ALMS1: variants seen among roughly 807,000 people sequenced by gnomAD.
The protein encoded by ALMS1 is ALMS1 centrosome and basal body associated protein, also known as centrosome-associated protein ALMS1.
Under a neutral mutation model 352.2 loss-of-function variants are expected in ALMS1, and 271 were observed. That is an observed-to-expected ratio of 0.77 (90% CI 0.70 to 0.85). The LOEUF is 0.85. ALMS1 is among the 40% of genes least tolerant of loss of function. The probability of loss-of-function intolerance (pLI) is 0.00; values close to 1 mark genes in which losing one functional copy is unlikely to be tolerated. For missense variants in ALMS1, 5,445 were observed against 4,870.7 expected (o/e 1.12, Z -3.51); for synonymous variants, 1,865 against 1,761.2 (o/e 1.06, Z -1.48).
chr2:73,514,098 CCTAT>C (rs1275877993), intron 10 of ALMS1, among the ~76,000 whole-genome samples: 3 of 152,164 alleles, frequency 2.0e-5, no homozygotes, highest in African/African-American at 7.2e-5. Context: ...TTACTTTCAA[CCTAT>C]CTGTGACCTC....
At chr2:73,397,264 C>G (rs756540760) in intron 1 of ALMS1, among the ~76,000 whole-genome samples, 1 of 152,126 alleles carries the variant, frequency 6.6e-6, no homozygotes, top group Non-Finnish European at 1.5e-5. Context: ...TCTTGGGATT[C>G]TGCTCTGGTA....
intron 2 of ALMS1, among the ~76,000 whole-genome samples, chr2:73,414,847 AT>A (rs376815471): frequency 2.6e-5 from 4 of 151,708 alleles, no homozygotes; most frequent in African/African-American, 9.7e-5. Flanking sequence ...TTCAAAAACC[AT>A]TTTTTTTGGC....
intron 1 of ALMS1, among the ~76,000 whole-genome samples, chr2:73,407,494 TACTC>T (rs960666294): frequency 7.9e-5 from 12 of 152,070 alleles, no homozygotes; most frequent in Admixed American, 7.9e-4. Context: ...AAGGTGGAGT[TACTC>T]ACCAGAATTA....
chr2:73,521,604 G>A (rs955683414), intron 11 of ALMS1, among the ~76,000 whole-genome samples: 9 of 139,788 alleles, frequency 6.4e-5, no homozygotes, highest in South Asian at 2.3e-4. Context: ...AAAAAAAATA[G>A]CCGGACACTG....
intron 7 of ALMS1, among the ~76,000 whole-genome samples, chr2:73,433,497 G>GAT (rs1374667209): frequency 6.6e-6 from 1 of 152,146 alleles, no homozygotes; most frequent in Non-Finnish European, 1.5e-5. Context: ...ATTTTGGTCA[G>GAT]ATTGAATAAG....
At chr2:73,484,968 A>G (rs1388718673) in intron 9 of ALMS1, among the ~76,000 whole-genome samples, 1 of 151,956 alleles carries the variant, frequency 6.6e-6, no homozygotes, top group Non-Finnish European at 1.5e-5. Flanking sequence ...TTCTAGTTAC[A>G]CATTCTTCTA....
chr2:73,454,988 G>T (rs1270691714), intron 8 of ALMS1, among the ~76,000 whole-genome samples, 174 bp from the exon 9 acceptor site: 1 of 152,174 alleles, frequency 6.6e-6, no homozygotes, highest in Non-Finnish European at 1.5e-5. Flanking sequence ...ATCAGACTTT[G>T]CAGTGAAAGG....
At chr2:73,507,134 T>G (rs746618769) in intron 10 of ALMS1, among the ~76,000 whole-genome samples, 3 of 152,214 alleles carry the variant, frequency 2.0e-5, no homozygotes, top group Non-Finnish European at 2.9e-5. Context: ...GAAGCTGACT[T>G]GATCTTGGTG....
chr2:73,584,304 G>C (rs1169188288), intron 16 of ALMS1, among the ~76,000 whole-genome samples: 1 of 152,064 alleles, frequency 6.6e-6, no homozygotes, highest in Non-Finnish European at 1.5e-5. Context: ...TCAAGAATTA[G>C]AACATTTTAC....
Position 73,490,870 on chromosome 2 carries a change from A to G in ALMS1, c.8911A>G (p.Ser2971Gly), listed in dbSNP as rs746825059. 2 of 1,614,128 alleles carry G rather than the reference A, an allele frequency of 1.2e-6. No individual in the cohort carries two copies. Among genetic ancestry groups the G allele is most frequent in the Non-Finnish European group, 1.7e-6 (2 of 1,180,028 alleles). Residue 2971 changes from serine (S) to glycine (G), a missense_variant, in exon 10 of 23, where the codon AGC (serine) becomes GGC (glycine). Transcript: ENST00000613296. ...TCCCATTTCTCTTGAACAATGCCAA[A>G]GCAAAGCGCCAGGTGTAGATGACCA... ...PSPISLEQCQ[S>G]KAPGVDDQMN... is the part of the protein sequence containing the mutation.
chr2:73,555,062 T>A (rs532930094), intron 13 of ALMS1, among the ~76,000 whole-genome samples: 1 of 152,192 alleles, frequency 6.6e-6, no homozygotes. Context: ...AATAAAGATG[T>A]CACTAAATTA....
In ALMS1 at chr2:73,449,174, G is replaced by C; in HGVS notation, c.2647G>C (p.Glu883Gln). ...QTLPNSHLTE[E>Q]ALKVSIVPGP... ...CTTACCCAATAGTCATCTAACTGAAGAGGCTCTGAAAGTATCAATTGTTCC... is the reference window on the plus strand; with the variant it reads ...CTTACCCAATAGTCATCTAACTGAACAGGCTCTGAAAGTATCAATTGTTCC... The change falls in exon 8 of 23, where the codon GAG becomes CAG. Residue 883 changes from glutamate (E) to glutamine (Q), a missense_variant. Transcript: ENST00000613296. 6.2e-7 allele frequency: 1 copy of C among 1,614,094 alleles called. No homozygotes were observed. Among genetic ancestry groups the C allele is most frequent in the East Asian group, 2.2e-5 (1 of 44,880 alleles).
Position 73,448,677 on chromosome 2 carries a change from C to G in ALMS1, c.2150C>G (p.Ser717Ter). 2 of 1,613,794 alleles carry G rather than the reference C, an allele frequency of 1.2e-6. No individual in the cohort carries two copies. The highest frequency in any genetic ancestry group is 1.7e-6 in the Non-Finnish European group (2 of 1,179,808). The change falls in exon 8 of 23, where the codon TCA (serine) becomes TGA (stop). Residue 717 changes from serine to a stop codon, truncating the protein, a stop_gained. Coordinates refer to ENST00000613296, the MANE Select transcript of ALMS1 (RefSeq NM_001378454.1). LOFTEE classifies it high-confidence loss of function. Reference sequence around the variant, plus strand: ...GCAACAGTACTCTCTACTCCCCACTCACATAGAGAGAAGCCTGGTATTTTT... The same window carrying G: ...GCAACAGTACTCTCTACTCCCCACTGACATAGAGAGAAGCCTGGTATTTTT... ...GTATVLSTPH[S>*]HREKPGIFYQ...
chr2:73,435,963 G>C (rs1671597341), intron 7 of ALMS1, among the ~76,000 whole-genome samples: 1 of 152,132 alleles, frequency 6.6e-6, no homozygotes, highest in Non-Finnish European at 1.5e-5. Context: ...TCTTTTTGTA[G>C]TTACCGATGT....
chr2:73,391,920 A>G (rs184157833), intron 1 of ALMS1, among the ~76,000 whole-genome samples: 72 of 152,194 alleles, frequency 4.7e-4, no homozygotes, highest in African/African-American at 1.7e-3. Context: ...GTTGTAGTCT[A>G]TATATGTTCT....
chr2:73,554,797 T>C (rs530906736), intron 13 of ALMS1, among the ~76,000 whole-genome samples: 1 of 152,302 alleles, frequency 6.6e-6, no homozygotes, highest in South Asian at 2.1e-4. Flanking sequence ...GGTAAGGTTA[T>C]ATACACTTGC....
intron 11 of ALMS1, among the ~76,000 whole-genome samples, chr2:73,529,368 G>A (rs920716877): frequency 2.0e-5 from 3 of 152,122 alleles, no homozygotes; most frequent in African/African-American, 4.8e-5. Flanking sequence ...TGAATTCTTT[G>A]TCTGAAAGGT....
chr2:73,449,551 G>T lies in ALMS1; in HGVS notation c.3024G>T (p.Lys1008Asn). The T allele has an allele frequency of 4.3e-6, 7 of 1,614,054 alleles. No homozygotes were observed. The highest frequency in any genetic ancestry group is 5.9e-6 in the Non-Finnish European group (7 of 1,179,974). Residue 1008 changes from lysine to asparagine, a missense_variant, in exon 8 of 23, where the codon AAG becomes AAT. Coordinates refer to ENST00000613296, the MANE Select transcript of ALMS1 (RefSeq NM_001378454.1). ...VPSGSFSHRE[K>N]PSIFYQQEWP... ...CAGGTTCCTTCTCACATAGAGAGAA[G>T]CCCAGTATTTTCTATCAACAGGAGT...
At chr2:73,508,121 T>TTTTCC (rs1673372202) in intron 10 of ALMS1, among the ~76,000 whole-genome samples, 1 of 150,832 alleles carries the variant, frequency 6.6e-6, no homozygotes, top group Non-Finnish European at 1.5e-5. Flanking sequence ...TTCTCTTTTC[T>TTTTCC]TTTCCTTTCC....
Sources: allele counts gnomAD v4.1 joint callset (sites outside exome capture counted in the v4.1 genomes callset), GRCh38; gene constraint gnomAD v4.1.1; transcripts MANE v1.5; gene names NCBI Gene and HGNC (gene_info 2026-07-23, HGNC 2026-07-21).